GALNTL6: variants seen among roughly 807,000 people sequenced by gnomAD.
GALNTL6 encodes the protein polypeptide N-acetylgalactosaminyltransferase-like 6.
Under a neutral mutation model 73.7 loss-of-function variants are expected in GALNTL6, and 46 were observed. The ratio of observed to expected loss-of-function variants is 0.62; its 90% CI spans 0.49 to 0.80. The LOEUF (loss-of-function observed/expected upper bound fraction) is 0.80. Among genes scored for constraint, GALNTL6 ranks in the 30% least tolerant of loss-of-function variants. The pLI, the probability that GALNTL6 is intolerant of heterozygous loss-of-function variation, is 0.00. For synonymous variants in GALNTL6, 259 were observed against 263.7 expected, an observed-to-expected ratio of 0.98 and a Z score of 0.17; for missense variants, 604 against 755.0, an observed-to-expected ratio of 0.80 and a Z score of 2.34.
chr4:172,739,063 C>T (rs548340807), intron 5 of GALNTL6, among the ~76,000 whole-genome samples: 99 of 152,220 alleles, frequency 6.5e-4, no homozygotes, highest in Middle Eastern at 3.4e-3. Context: ...TAATGCTGAA[C>T]GGTATAGTGA....
At chr4:172,297,388 T>C (rs1199912163) in intron 3 of GALNTL6, among the ~76,000 whole-genome samples, 2 of 152,146 alleles carry the variant, frequency 1.3e-5, no homozygotes, top group Non-Finnish European at 2.9e-5. Flanking sequence ...TTCTGGCTTT[T>C]GTTGCCATTG....
intron 7 of GALNTL6, among the ~76,000 whole-genome samples, chr4:172,864,007 G>A (rs952074684): frequency 2.0e-5 from 3 of 152,122 alleles, no homozygotes; most frequent in South Asian, 4.1e-4. Context: ...TAAATGGGAT[G>A]CACACAATTC....
intron 5 of GALNTL6, among the ~76,000 whole-genome samples, chr4:172,382,093 C>T (rs749248470): frequency 2.6e-5 from 4 of 152,266 alleles, no homozygotes; most frequent in Non-Finnish European, 5.9e-5. Flanking sequence ...CCTCAGGCTC[C>T]CAAGTAGCTG....
At chr4:171,972,483 T>C (rs1362194742) in intron 2 of GALNTL6, among the ~76,000 whole-genome samples, 2 of 152,130 alleles carry the variant, frequency 1.3e-5, no homozygotes, top group South Asian at 2.1e-4. Context: ...TGTTTGCCTG[T>C]TTGATCAGAA....
chr4:172,001,070 T>C (rs1193208065), intron 2 of GALNTL6, among the ~76,000 whole-genome samples: 1 of 152,188 alleles, frequency 6.6e-6, no homozygotes, highest in Non-Finnish European at 1.5e-5. Context: ...GTTGTTGTAA[T>C]AGTAGTTGTA....
intron 2 of GALNTL6, among the ~76,000 whole-genome samples, chr4:171,927,945 CAT>C (rs1375074310): frequency 3.9e-5 from 6 of 152,144 alleles, no homozygotes; most frequent in Non-Finnish European, 7.4e-5. Context: ...CTATTCATTA[CAT>C]ATGTTTCTTT....
intron 10 of GALNTL6, among the ~76,000 whole-genome samples, chr4:172,963,650 G>A (rs1750188283): frequency 6.6e-6 from 1 of 152,172 alleles, no homozygotes; most frequent in African/African-American, 2.4e-5. Flanking sequence ...ACACCTGTGT[G>A]TGTGAAGCCA....
chr4:172,273,426 T>C (rs545354373), intron 3 of GALNTL6, among the ~76,000 whole-genome samples: 2 of 152,304 alleles, frequency 1.3e-5, no homozygotes, highest in Non-Finnish European at 2.9e-5. Context: ...ACAGAACTTC[T>C]GTAGCACTAA....
intron 5 of GALNTL6, among the ~76,000 whole-genome samples, chr4:172,383,109 T>G (rs1244896164): frequency 6.6e-5 from 10 of 152,152 alleles, no homozygotes; most frequent in African/African-American, 2.4e-4. Flanking sequence ...TTGACTATTC[T>G]GGAGCCATTA....
intron 2 of GALNTL6, among the ~76,000 whole-genome samples, chr4:172,043,669 T>C (rs538419352): frequency 1.8e-4 from 28 of 152,184 alleles, no homozygotes; most frequent in Middle Eastern, 3.4e-3. Context: ...GTATAAATAT[T>C]CCAGGAAAAT....
chr4:172,016,912 A>T (rs577332434), intron 2 of GALNTL6, among the ~76,000 whole-genome samples: 2 of 152,088 alleles, frequency 1.3e-5, no homozygotes, highest in African/African-American at 4.8e-5. Flanking sequence ...TAGTGGTTAT[A>T]TTCTTGATGT....
intron 4 of GALNTL6, among the ~76,000 whole-genome samples, chr4:172,335,178 C>T (rs333393): frequency 3.0e-4 from 45 of 152,094 alleles, no homozygotes; most frequent in African/African-American, 1.0e-3. Context: ...CATCTCCTGA[C>T]CTTGTGATCT....
Position 171,834,861 on chromosome 4 carries a change from T to C in GALNTL6, c.138+20143T>C, listed in dbSNP as rs113846753. ...TGAACCAGGGGGAGGAGTACTTTGT[T>C]GTTGTCTTGTTTCAGTTTTCCCCTA... On this transcript the variant is annotated intron_variant, in intron 2 of 12. Coordinates refer to ENST00000506823, the MANE Select transcript of GALNTL6 (RefSeq NM_001034845.3). Among the ~76,000 whole-genome samples, 114 of 152,148 alleles carry C rather than the reference T, an allele frequency of 7.5e-4. 1 individual carries two copies. The highest frequency in any genetic ancestry group is 2.5e-3 in the African/African-American group (102 of 41,562).
At chr4:172,700,090 A>T (rs1054955931) in intron 5 of GALNTL6, among the ~76,000 whole-genome samples, 13 of 152,160 alleles carry the variant, frequency 8.5e-5, no homozygotes, top group African/African-American at 1.7e-4. Context: ...AAGCAGTTTT[A>T]AAAAAACTAC....
chr4:172,325,268 T>C (rs1447935104), intron 4 of GALNTL6, among the ~76,000 whole-genome samples: 1 of 151,942 alleles, frequency 6.6e-6, no homozygotes, highest in Non-Finnish European at 1.5e-5. Flanking sequence ...ATACCAACTG[T>C]TGCTGTCACA....
chr4:172,624,051 C>A (rs1739063733), intron 5 of GALNTL6, among the ~76,000 whole-genome samples: 1 of 152,094 alleles, frequency 6.6e-6, no homozygotes. Context: ...CTGTACTTGA[C>A]AACTATATGG....
intron 11 of GALNTL6, among the ~76,000 whole-genome samples, chr4:173,014,167 GACTA>G: frequency 6.6e-6 from 1 of 152,334 alleles, no homozygotes; most frequent in East Asian, 1.9e-4. Flanking sequence ...CACTGGTGGT[GACTA>G]ACGTGGTTTC....
At chr4:172,424,090 A>G (rs555917036) in intron 5 of GALNTL6, among the ~76,000 whole-genome samples, 5 of 152,092 alleles carry the variant, frequency 3.3e-5, no homozygotes, top group East Asian at 1.9e-4. Flanking sequence ...TCATGAGTGT[A>G]TATATATATG....
intron 2 of GALNTL6, among the ~76,000 whole-genome samples, chr4:172,080,946 T>C (rs1332969963): frequency 1.3e-5 from 2 of 152,158 alleles, no homozygotes; most frequent in Non-Finnish European, 2.9e-5. Context: ...CAGTGTTGCC[T>C]CTCTTAAACA....
Sources: gnomAD v4.1 joint callset for allele counts (sites outside exome capture counted in the v4.1 genomes callset) on GRCh38, gnomAD v4.1.1 for gene constraint, MANE v1.5 for transcripts, NCBI Gene and HGNC (gene_info 2026-07-23, HGNC 2026-07-21) for gene names.